Variants in MGMT observed in about 807,000 individuals in gnomAD.
MGMT encodes O-6-methylguanine-DNA methyltransferase, also known as methylated-DNA--protein-cysteine methyltransferase.
MGMT carries 14 observed loss-of-function variants against 15.9 expected under a neutral mutation model. That is an observed-to-expected ratio of 0.88 (90% CI 0.58 to 1.37). The LOEUF is 1.37. Ranked by LOEUF, MGMT falls within the 40% of genes most tolerant of loss-of-function variation. The pLI is 0.00. For missense variants in MGMT, 282 were observed against 268.1 expected (o/e 1.05, Z -0.36); for synonymous variants, 130 against 118.2 (o/e 1.10, Z -0.65).
At chr10:129,568,490 A>G (rs1846380565) in intron 2 of MGMT, among the ~76,000 whole-genome samples, 1 of 152,226 alleles carries the variant, frequency 6.6e-6, no homozygotes, top group South Asian at 2.1e-4. Flanking sequence ...ATTCCAAGTT[A>G]AAAACTAATT....
rs1407243363 is a variant in MGMT, at chr10:129,657,707, G to GCACGCACACA, written c.126-50185_126-50184insGCACACACAC. Among the ~76,000 whole-genome samples, 243 of 111,554 alleles carry GCACGCACACA rather than the reference G, an allele frequency of 2.2e-3. 2 individuals carry two copies. The highest frequency in any genetic ancestry group is 7.7e-3 in the African/African-American group (238 of 30,838). The allele number at this position is 111,554 out of a possible 152,430, so 73.2% of individuals were successfully genotyped here. On this transcript the variant is annotated intron_variant, in intron 2 of 4. Coordinates refer to ENST00000651593, the MANE Select transcript of MGMT (RefSeq NM_002412.5). ...CACACACACACACACACACACACAC[G>GCACGCACACA]CACACACACACACACACACACCCCC...
At chr10:129,721,452 C>A (rs1430052744) in intron 3 of MGMT, among the ~76,000 whole-genome samples, 1 of 152,216 alleles carries the variant, frequency 6.6e-6, no homozygotes, top group Non-Finnish European at 1.5e-5. Flanking sequence ...ATAAGTTGAA[C>A]AAATTTCAGA....
intron 1 of MGMT, among the ~76,000 whole-genome samples, chr10:129,527,959 A>G (rs903346259): frequency 6.6e-6 from 1 of 151,882 alleles, no homozygotes; most frequent in African/African-American, 2.4e-5. Flanking sequence ...CTCTCCACCC[A>G]GAAAACTACA....
intron 2 of MGMT, among the ~76,000 whole-genome samples, chr10:129,646,192 G>T (rs1016552142): frequency 6.6e-6 from 1 of 152,136 alleles, no homozygotes; most frequent in Admixed American, 6.5e-5. Context: ...TAGGAGTCCA[G>T]TCCCCAGGAC....
At chr10:129,579,054 A>G (rs1194683835) in intron 2 of MGMT, among the ~76,000 whole-genome samples, 1 of 152,212 alleles carries the variant, frequency 6.6e-6, no homozygotes, top group Non-Finnish European at 1.5e-5. Context: ...AGGAGGGCTG[A>G]AACTTACTGG....
At chr10:129,747,186 A>T (rs772047750) in intron 3 of MGMT, among the ~76,000 whole-genome samples, 4 of 152,156 alleles carry the variant, frequency 2.6e-5, no homozygotes, top group African/African-American at 9.7e-5. Context: ...AGACTTTTCT[A>T]TTATTTCCTG....
At chr10:129,535,436 A>G (rs1845974361) in intron 1 of MGMT, among the ~76,000 whole-genome samples, 1 of 152,184 alleles carries the variant, frequency 6.6e-6, no homozygotes, top group Non-Finnish European at 1.5e-5. Context: ...AAGGTAGCCT[A>G]TAGATGTGTT....
At chr10:129,570,052 C>G (rs1021427154) in intron 2 of MGMT, among the ~76,000 whole-genome samples, 2 of 152,260 alleles carry the variant, frequency 1.3e-5, no homozygotes, top group Admixed American at 6.5e-5. Context: ...AGTTCCATTT[C>G]CCTTTACCAA....
chr10:129,714,149 C>A lies in MGMT; in HGVS notation c.274+6106C>A, dbSNP rs553669795. 3.6e-3 allele frequency among the ~76,000 whole-genome samples: 552 copies of A among 152,356 alleles called. 3 individuals are homozygous for A. Among genetic ancestry groups the A allele is most frequent in the African/African-American group, 0.012 (507 of 41,586 alleles). On this transcript the variant is annotated intron_variant, in intron 3 of 4. Transcript: ENST00000651593. ...GCGCCCCGAGCTCTCCTGGTTTGCC[C>A]GGGCTTTGCCTGCACGGGCTGGCCC...
intron 2 of MGMT, among the ~76,000 whole-genome samples, chr10:129,548,720 G>A (rs1353455061): frequency 6.6e-6 from 1 of 152,182 alleles, no homozygotes; most frequent in Non-Finnish European, 1.5e-5. Context: ...GGGGAGAGGC[G>A]TCAGTCCCAC....
intron 2 of MGMT, among the ~76,000 whole-genome samples, chr10:129,663,742 GT>G (rs1485416559): frequency 6.6e-6 from 1 of 152,144 alleles, no homozygotes; most frequent in African/African-American, 2.4e-5. Context: ...GAAAAATCCA[GT>G]TTTAGCAAAA....
intron 3 of MGMT, among the ~76,000 whole-genome samples, chr10:129,756,741 T>G (rs1233491344): frequency 6.6e-6 from 1 of 152,212 alleles, no homozygotes; most frequent in Non-Finnish European, 1.5e-5. Flanking sequence ...GTGCTGGGAT[T>G]ACAGGCGTGA....
At chr10:129,749,344 A>G (rs1451374613) in intron 3 of MGMT, among the ~76,000 whole-genome samples, 1 of 152,062 alleles carries the variant, frequency 6.6e-6, no homozygotes, top group African/African-American at 2.4e-5. Context: ...CTGTCTATAT[A>G]GTTTTGCTTC....
chr10:129,598,767 T>C (rs952842719), intron 2 of MGMT, among the ~76,000 whole-genome samples: 1 of 152,182 alleles, frequency 6.6e-6, no homozygotes, highest in East Asian at 1.9e-4. Context: ...GTCTTGTATA[T>C]TACAAAGTAG....
chr10:129,595,698 G>C (rs1333740481), intron 2 of MGMT, among the ~76,000 whole-genome samples: 3 of 152,168 alleles, frequency 2.0e-5, no homozygotes, highest in Non-Finnish European at 4.4e-5. Flanking sequence ...CACTGTTTCA[G>C]ATGCTCAGCT....
chr10:129,730,960 A>G (rs778387870), intron 3 of MGMT, among the ~76,000 whole-genome samples: 1 of 152,192 alleles, frequency 6.6e-6, no homozygotes, highest in Non-Finnish European at 1.5e-5. Context: ...GGCTCTAAGT[A>G]TTGGGAAAGT....
intron 1 of MGMT, among the ~76,000 whole-genome samples, chr10:129,500,963 G>C (rs924365961): frequency 3.6e-4 from 55 of 152,310 alleles, no homozygotes; most frequent in African/African-American, 1.2e-3. Flanking sequence ...TTTAAAACTA[G>C]ATAGAATTAC....
chr10:129,550,701 C>G (rs954162440), intron 2 of MGMT, among the ~76,000 whole-genome samples: 1 of 152,158 alleles, frequency 6.6e-6, no homozygotes, highest in African/African-American at 2.4e-5. Context: ...CTTCCTTAGT[C>G]TCCCAAAGTC....
intron 2 of MGMT, among the ~76,000 whole-genome samples, chr10:129,574,240 C>T (rs1355448089): frequency 8.5e-5 from 13 of 152,202 alleles, no homozygotes; most frequent in Non-Finnish European, 1.6e-4. Context: ...AGACCTTTTA[C>T]GAGTGAGCAA....
Sources: allele counts gnomAD v4.1 joint callset (sites outside exome capture counted in the v4.1 genomes callset), GRCh38; gene constraint gnomAD v4.1.1; transcripts MANE v1.5; gene names NCBI Gene and HGNC (gene_info 2026-07-23, HGNC 2026-07-21).